CCSER1: variants seen among roughly 807,000 people sequenced by gnomAD.
CCSER1 encodes coiled-coil serine rich protein 1.
A neutral mutation model predicts 82.0 loss-of-function variants in CCSER1; 41 were observed. That is an observed-to-expected ratio of 0.50 (90% CI 0.39 to 0.65). The LOEUF (loss-of-function observed/expected upper bound fraction) is 0.65, where lower values mean the gene tolerates loss of function less well. Among genes scored for constraint, CCSER1 ranks in the 30% least tolerant of loss-of-function variants. CCSER1 has a pLI of 0.00. For synonymous variants in CCSER1, 414 were observed against 383.9 expected (o/e 1.08, Z -0.92); for missense variants, 1,119 against 1,064.2 (o/e 1.05, Z -0.72).
rs70965460 is a variant in CCSER1, at chr4:90,943,729, A to ATTTTTTTTTTTTTTTTTTTTT, written c.2172+20291_2172+20311dup. ...AAACATGAGCCACTGTGCCAGGCTA[A>ATTTTTTTTTTTTTTTTTTTTT]TTTTTTTTTTTTTTTTTTTTTTTTT... On this transcript the variant is annotated intron_variant, in intron 9 of 10. Coordinates refer to ENST00000509176, the MANE Select transcript of CCSER1 (RefSeq NM_001145065.2). 2.5e-4 allele frequency among the ~76,000 whole-genome samples: 17 copies of ATTTTTTTTTTTTTTTTTTTTT among 68,886 alleles called. 2 individuals are homozygous for ATTTTTTTTTTTTTTTTTTTTT. The highest frequency in any genetic ancestry group is 1.6e-3 in the East Asian group (3 of 1,932). The allele number at this position is 68,886 out of a possible 152,430, so 45.2% of individuals were successfully genotyped here.
chr4:90,347,311 CTCTATCTA>C (rs35636292), intron 3 of CCSER1, among the ~76,000 whole-genome samples: 3,587 of 148,696 alleles, frequency 0.024, 46 homozygotes, highest in South Asian at 0.039. Flanking sequence ...TTAACATAAG[CTCTATCTA>C]TCTATCTATC....
At chr4:90,467,399 A>G (rs1452873129) in intron 4 of CCSER1, among the ~76,000 whole-genome samples, 1 of 150,240 alleles carries the variant, frequency 6.7e-6, no homozygotes, top group Admixed American at 6.6e-5. Context: ...ATAAAAAATA[A>G]AAAAGGGCCT....
chr4:91,203,661 G>A (rs1736115383), intron 10 of CCSER1, among the ~76,000 whole-genome samples: 1 of 151,632 alleles, frequency 6.6e-6, no homozygotes, highest in African/African-American at 2.4e-5. Context: ...AAAAAAAACA[G>A]GGTAAAAGGA....
intron 5 of CCSER1, among the ~76,000 whole-genome samples, chr4:90,601,104 A>G (rs1359310622): frequency 1.3e-5 from 2 of 152,066 alleles, no homozygotes; most frequent in Admixed American, 1.3e-4. Context: ...GCAAATAAAT[A>G]CAGTTTTATT....
At chr4:91,492,411 C>T (rs1758596558) in intron 10 of CCSER1, among the ~76,000 whole-genome samples, 1 of 152,066 alleles carries the variant, frequency 6.6e-6, no homozygotes, top group African/African-American at 2.4e-5. Context: ...AAAGTGCTCT[C>T]GGAGATCTGG....
chr4:90,692,892 T>C (rs544214438), intron 6 of CCSER1, among the ~76,000 whole-genome samples: 1 of 152,114 alleles, frequency 6.6e-6, no homozygotes, highest in South Asian at 2.1e-4. Flanking sequence ...GGCTTTTGGC[T>C]TTCAAAATTA....
Position 90,448,444 on chromosome 4 carries a change from A to AATATAT in CCSER1, c.1604-19754_1604-19749dup, listed in dbSNP as rs70963067. Among the ~76,000 whole-genome samples, 135 of 44,012 alleles carry AATATAT rather than the reference A, an allele frequency of 3.1e-3. 3 individuals are homozygous for AATATAT. The highest frequency in any genetic ancestry group is 4.6e-3 in the Non-Finnish European group (88 of 19,170). 28.9% of individuals were successfully genotyped at this position (44,012 alleles called of 152,430 possible). ...GCTTTTTTTTTCTCTAGGTGAATTG[A>AATATAT]ATATATATATATATATATATATATA... is the stretch of plus-strand genomic sequence containing the variant. On this transcript the variant is annotated intron_variant, in intron 4 of 10. Transcript: ENST00000509176.
chr4:90,822,786 GA>G (rs1759940918), intron 8 of CCSER1, among the ~76,000 whole-genome samples: 2 of 149,766 alleles, frequency 1.3e-5, no homozygotes, highest in South Asian at 4.2e-4. Context: ...TGGGTCACCG[GA>G]AAAACAAAAT....
chr4:90,215,661 T>G (rs150113556), intron 1 of CCSER1, among the ~76,000 whole-genome samples: 2 of 152,332 alleles, frequency 1.3e-5, no homozygotes, highest in African/African-American at 4.8e-5. Flanking sequence ...CAAATGTGGG[T>G]CAAAGTATCT....
At chr4:91,024,193 A>G (rs1488524312) in intron 9 of CCSER1, among the ~76,000 whole-genome samples, 1 of 152,154 alleles carries the variant, frequency 6.6e-6, no homozygotes, top group Non-Finnish European at 1.5e-5. Flanking sequence ...CAATACTGCT[A>G]CATTAGAGAT....
chr4:90,495,210 G>A (rs574479416), intron 5 of CCSER1, among the ~76,000 whole-genome samples: 10 of 152,100 alleles, frequency 6.6e-5, no homozygotes, highest in Admixed American at 1.3e-4. Flanking sequence ...ATATTGGAAC[G>A]TCACTTAAAT....
chr4:90,267,684 T>C (rs893289846), intron 1 of CCSER1, among the ~76,000 whole-genome samples: 1 of 152,130 alleles, frequency 6.6e-6, no homozygotes, highest in Admixed American at 6.5e-5. Flanking sequence ...AACAAGAGTC[T>C]CTCCCTGGTC....
At chr4:91,530,754 C>CTCGGCTT (rs1378295834) in intron 10 of CCSER1, among the ~76,000 whole-genome samples, 38 of 147,046 alleles carry the variant, frequency 2.6e-4, no homozygotes, top group African/African-American at 9.0e-4. Flanking sequence ...CTGGTGTGAT[C>CTCGGCTT]TCGGCTAACC....
intron 10 of CCSER1, among the ~76,000 whole-genome samples, chr4:91,464,628 G>C (rs890999159): frequency 1.3e-5 from 2 of 152,030 alleles, no homozygotes; most frequent in Non-Finnish European, 2.9e-5. Flanking sequence ...GCAGAGACAC[G>C]CATAGGCTCA....
At chr4:90,556,668 A>T (rs1351275368) in intron 5 of CCSER1, among the ~76,000 whole-genome samples, 2 of 151,952 alleles carry the variant, frequency 1.3e-5, no homozygotes, top group African/African-American at 4.8e-5. Flanking sequence ...AATAATAAGG[A>T]AGAGAAATAT....
At chr4:91,218,338 G>T (rs910732479) in intron 10 of CCSER1, among the ~76,000 whole-genome samples, 1 of 152,182 alleles carries the variant, frequency 6.6e-6, no homozygotes, top group Non-Finnish European at 1.5e-5. Context: ...CCCGGTTCCT[G>T]CTCGTGCCTC....
chr4:91,439,348 T>C (rs1457507721), intron 10 of CCSER1, among the ~76,000 whole-genome samples: 1 of 151,990 alleles, frequency 6.6e-6, no homozygotes, highest in Non-Finnish European at 1.5e-5. Flanking sequence ...AAGAAAAGAA[T>C]TTTCAACCCA....
intron 3 of CCSER1, among the ~76,000 whole-genome samples, chr4:90,319,272 A>T (rs1172750985): frequency 6.6e-6 from 1 of 152,164 alleles, no homozygotes; most frequent in African/African-American, 2.4e-5. Flanking sequence ...ACAATCCGCC[A>T]AGCAAAAGAA....
At chr4:91,011,272 G>A (rs1014675240) in intron 9 of CCSER1, among the ~76,000 whole-genome samples, 3 of 134,024 alleles carry the variant, frequency 2.2e-5, no homozygotes, top group Admixed American at 1.5e-4. Context: ...AAGTTCCTTC[G>A]TGGCAAGGGC....
Sources: allele counts gnomAD v4.1 joint callset (sites outside exome capture counted in the v4.1 genomes callset), GRCh38; gene constraint gnomAD v4.1.1; transcripts MANE v1.5; gene names NCBI Gene and HGNC (gene_info 2026-07-23, HGNC 2026-07-21).